Variants in ARHGAP23 observed in about 807,000 individuals in gnomAD.
ARHGAP23 encodes rho GTPase-activating protein 23.
A neutral mutation model predicts 136.3 loss-of-function variants in ARHGAP23; 34 were observed. The observed-to-expected ratio is 0.25, with a 90% CI of 0.19 to 0.33. ARHGAP23 has a LOEUF of 0.33. Among genes scored for constraint, ARHGAP23 ranks in the 10% least tolerant of loss-of-function variants. The pLI, the probability that ARHGAP23 is intolerant of heterozygous loss-of-function variation, is 1.00. For synonymous variants in ARHGAP23, 832 were observed against 920.5 expected, an observed-to-expected ratio of 0.90 and a Z score of 1.74; for missense variants, 1,808 against 2,139.0, an observed-to-expected ratio of 0.85 and a Z score of 3.05.
chr17:38,471,727 C>T, intron 10 of ARHGAP23, 136 bp from the exon 11 acceptor site: 1 of 1,004,138 alleles, frequency 1.0e-6, no homozygotes, highest in Non-Finnish European at 1.4e-6. Flanking sequence ...CAAGCAATGC[C>T]CATGAGGTCG....
chr17:38,456,055 G>T (rs1192373631), intron 1 of ARHGAP23, among the ~76,000 whole-genome samples: 1 of 152,178 alleles, frequency 6.6e-6, no homozygotes, highest in East Asian at 1.9e-4. Flanking sequence ...TTTCCAGACC[G>T]TATAGGAGTA....
Position 38,469,646 on chromosome 17 carries a change from G to T in ARHGAP23, c.1916+11G>T. ...GGGCCGGGTTCTGCGGTGAGGCCCTGTCCGGACACGGGGTGGGGTGGCCAC... is the reference window on the plus strand; with the variant it reads ...GGGCCGGGTTCTGCGGTGAGGCCCTTTCCGGACACGGGGTGGGGTGGCCAC... On this transcript the variant is annotated intron_variant, in intron 9 of 23. Coordinates refer to ENST00000622683, the MANE Select transcript of ARHGAP23 (RefSeq NM_001199417.2). 1 of 1,547,784 alleles carries T rather than the reference G, an allele frequency of 6.5e-7. No individual in the cohort carries two copies. Among genetic ancestry groups the T allele is most frequent in the Non-Finnish European group, 8.7e-7 (1 of 1,146,098 alleles).
intron 1 of ARHGAP23, among the ~76,000 whole-genome samples, chr17:38,452,955 T>C (rs1237319966): frequency 2.0e-5 from 3 of 152,208 alleles, no homozygotes; most frequent in Non-Finnish European, 2.9e-5. Flanking sequence ...CACAGGGGTG[T>C]TGGGGACTCC....
At chr17:38,472,752 T>A (rs1358978723) in intron 11 of ARHGAP23, among the ~76,000 whole-genome samples, 1 of 152,184 alleles carries the variant, frequency 6.6e-6, no homozygotes. Flanking sequence ...GACTCTTGAC[T>A]GCATCACCCA....
rs975540697 is a variant in ARHGAP23 at position 38,510,843 on chromosome 17, C to A, written c.4347C>A (p.Ser1449Arg). 4.0e-6 allele frequency: 6 copies of A among 1,508,516 alleles called. No homozygotes were observed. The highest frequency in any genetic ancestry group is 4.4e-6 in the Non-Finnish European group (5 of 1,134,312). 93.4% of individuals were successfully genotyped at this position (1,508,516 alleles called of 1,614,324 possible). The change falls in exon 24 of 24, where the codon AGC becomes AGA. Residue 1449 changes from serine (S) to arginine (R), a missense_variant. Ser to Arg is a moderately radical substitution (Grantham distance 110). Around this residue, in one of 7 missense-constraint regions of ARHGAP23, gnomAD observed 506 missense variants for 455.8 expected, o/e 1.11. Coordinates refer to ENST00000622683, the MANE Select transcript of ARHGAP23 (RefSeq NM_001199417.2). The surrounding 1 kb of genome is among the most constrained non-coding windows in gnomAD (Gnocchi z 4.6). ...ACAACAAGGACTCCGGACTCAGCAG[C>A]CTGGAGTCCACCAAGGCGCGGGCCC... Reference protein sequence around the residue: ...HSDNKDSGLSSLESTKARAPS... With the variant: ...HSDNKDSGLSRLESTKARAPS...
At chr17:38,509,663 C>G (rs951649787) in intron 23 of ARHGAP23, among the ~76,000 whole-genome samples, 2 of 152,040 alleles carry the variant, frequency 1.3e-5, no homozygotes, top group Admixed American at 1.3e-4. Context: ...AGGATTTAGC[C>G]AGGGCTGGAT....
Position 38,498,386 on chromosome 17 carries a change from G to A in ARHGAP23, c.3319-28G>A, listed in dbSNP as rs1353537803. 5.9e-6 allele frequency: 9 copies of A among 1,526,974 alleles called. No individual in the cohort carries two copies. The East Asian group carries it at 9.9e-5, about 17-fold the overall frequency. The allele number at this position is 1,526,974 out of a possible 1,614,324, so 94.6% of individuals were successfully genotyped here. Reference sequence around the variant, plus strand: ...TTGGCAGCCCAGCATCTGAGGGCATGCCAGCTGACCCCTCCTCCTGTTCGC... The same window carrying A: ...TTGGCAGCCCAGCATCTGAGGGCATACCAGCTGACCCCTCCTCCTGTTCGC... On this transcript the variant is annotated intron_variant, in intron 21 of 23. Transcript: ENST00000622683.
At chr17:38,444,311 G>A (rs1014872978) in intron 1 of ARHGAP23, among the ~76,000 whole-genome samples, 1 of 152,102 alleles carries the variant, frequency 6.6e-6, no homozygotes, top group Non-Finnish European at 1.5e-5. Flanking sequence ...GGACCTGCCT[G>A]CCAGGCAGCC....
At chr17:38,487,114 GCA>G (rs1341539826) in intron 17 of ARHGAP23, among the ~76,000 whole-genome samples, 6 of 152,222 alleles carry the variant, frequency 3.9e-5, no homozygotes, top group African/African-American at 1.4e-4. Flanking sequence ...GGGAAGAGAG[GCA>G]CACAGTCGCT....
intron 21 of ARHGAP23, 97 bp downstream of exon 21, chr17:38,497,923 G>C: frequency 7.7e-7 from 1 of 1,297,352 alleles, no homozygotes; most frequent in African/African-American, 1.5e-5. Flanking sequence ...AGCCGGGGAA[G>C]GTGTCTGTCC....
intron 16 of ARHGAP23, among the ~76,000 whole-genome samples, chr17:38,484,205 G>A (rs2040110573): frequency 6.6e-6 from 1 of 152,086 alleles, no homozygotes; most frequent in Admixed American, 6.6e-5. Flanking sequence ...GGGGGAGGAT[G>A]GGAGCAACCC....
chr17:38,466,510 G>T lies in ARHGAP23; in HGVS notation c.827G>T (p.Arg276Leu). The change falls in exon 7 of 24, where the codon CGG (arginine) becomes CTG (leucine). Residue 276 changes from arginine to leucine, a missense_variant. Physicochemically the swap from Arg to Leu is moderately radical, Grantham distance 102 (BLOSUM62 -2). Around this residue, in one of 7 missense-constraint regions of ARHGAP23, gnomAD observed 859 missense variants for 936.4 expected, o/e 0.92. Coordinates refer to ENST00000622683, the MANE Select transcript of ARHGAP23 (RefSeq NM_001199417.2). ...CGTGCCTTCCCAGAGCCTGGCAGCCGGGTGCCCCCCAGCAGACTGGAGTGC... is the reference window on the plus strand; with the variant it reads ...CGTGCCTTCCCAGAGCCTGGCAGCCTGGTGCCCCCCAGCAGACTGGAGTGC... ...TPRAFPEPGS[R>L]VPPSRLECQQ... The T allele has an allele frequency of 1.3e-6, 2 of 1,484,806 alleles. No homozygotes were observed. The highest frequency in any genetic ancestry group is 1.8e-6 in the Non-Finnish European group (2 of 1,119,952). The allele number at this position is 1,484,806 out of a possible 1,614,324, so 92.0% of individuals were successfully genotyped here.
intron 17 of ARHGAP23, among the ~76,000 whole-genome samples, chr17:38,488,697 C>T (rs1370283759): frequency 1.2e-4 from 18 of 149,872 alleles, no homozygotes; most frequent in Admixed American, 1.1e-3. Context: ...TACAGGTGCC[C>T]ACCATCATGC....
At position 38,500,642 on chromosome 17, in the gene ARHGAP23, C is replaced by G; in HGVS notation, c.3447+14C>G. The G allele has an allele frequency of 6.5e-7, 1 of 1,548,014 alleles. No individual in the cohort carries two copies. Among genetic ancestry groups the G allele is most frequent in the Admixed American group, 2.0e-5 (1 of 50,976 alleles). On this transcript the variant is annotated intron_variant, in intron 23 of 23. Transcript: ENST00000622683. ...GCCAAGTCCAAGGTACGTATGAAGG[C>G]AATTCTGAAGGCTTGATCCCTGTAC...
intron 20 of ARHGAP23, 126 bp downstream of exon 20, chr17:38,491,658 C>G (rs2040282306): frequency 5.4e-6 from 7 of 1,294,610 alleles, no homozygotes; most frequent in Non-Finnish European, 7.4e-6. Flanking sequence ...TTAGAGCATG[C>G]TGCTAGGGTG....
At chr17:38,447,432 C>A (rs537004545) in intron 1 of ARHGAP23, among the ~76,000 whole-genome samples, 1 of 56,646 alleles carries the variant, frequency 1.8e-5, no homozygotes, top group Non-Finnish European at 4.2e-5. Context: ...ACAGAGACTC[C>A]GTCTGAAAAA....
At chr17:38,471,345 T>C (rs2039752444) in intron 10 of ARHGAP23, among the ~76,000 whole-genome samples, 1 of 152,246 alleles carries the variant, frequency 6.6e-6, no homozygotes, top group Non-Finnish European at 1.5e-5. Flanking sequence ...AACACCCTGG[T>C]GATATTGGCA....
At chr17:38,457,933 A>G (rs2039366976) in intron 1 of ARHGAP23, 169 bp from the exon 2 acceptor site, 1 of 689,844 alleles carries the variant, frequency 1.4e-6, no homozygotes, top group Non-Finnish European at 2.4e-6. Flanking sequence ...AAGGTGGGAG[A>G]GTAAGGAAGG....
intron 5 of ARHGAP23, 25 bp from the exon 6 acceptor site, chr17:38,463,303 C>G (rs1251076639): frequency 6.4e-7 from 1 of 1,551,668 alleles, no homozygotes; most frequent in Non-Finnish European, 8.7e-7. Context: ...CTTGACCCAG[C>G]CTGACGTTCT....
Sources: gnomAD v4.1 joint callset for allele counts (sites outside exome capture counted in the v4.1 genomes callset) on GRCh38, gnomAD v4.1.1 for gene constraint, gnomAD v4.1.1 regional missense constraint, Gnocchi (gnomAD v3.1) non-coding constraint, MANE v1.5 for transcripts, NCBI Gene and HGNC (gene_info 2026-07-23, HGNC 2026-07-21) for gene names.